RAB38: variants seen among roughly 807,000 people sequenced by gnomAD.
RAB38 encodes RAB38, member RAS oncogene family.
Under a neutral mutation model 18.4 loss-of-function variants are expected in RAB38, and 15 were observed. The ratio of observed to expected loss-of-function variants is 0.82; its 90% CI spans 0.55 to 1.26. The LOEUF (loss-of-function observed/expected upper bound fraction) is 1.26. RAB38 is among the 50% of genes most tolerant of loss of function. The probability of loss-of-function intolerance (pLI) is 0.00; values close to 1 mark genes in which losing one functional copy is unlikely to be tolerated. For synonymous variants in RAB38, 101 were observed against 104.4 expected, an observed-to-expected ratio of 0.97 and a Z score of 0.20; for missense variants, 294 against 267.4, an observed-to-expected ratio of 1.10 and a Z score of -0.69.
the RAB38 span, among the ~76,000 whole-genome samples, chr11:88,019,738 T>A: frequency 6.6e-6 from 1 of 152,314 alleles, no homozygotes; most frequent in African/African-American, 2.4e-5. Flanking sequence ...TCTACTAAGA[T>A]GATATTTAAC....
the RAB38 span, among the ~76,000 whole-genome samples, chr11:87,925,477 T>C: frequency 1.3e-5 from 2 of 152,064 alleles, no homozygotes; most frequent in African/African-American, 4.8e-5. Context: ...TACCATAAAC[T>C]AACAAGGACA....
chr11:88,069,796 T>G, the RAB38 span, among the ~76,000 whole-genome samples: 1 of 151,442 alleles, frequency 6.6e-6, no homozygotes, highest in Admixed American at 6.6e-5. Flanking sequence ...TAGCTCAAGG[T>G]TTGTAAACGC....
the RAB38 span, among the ~76,000 whole-genome samples, chr11:88,043,788 T>G: frequency 6.6e-6 from 1 of 152,190 alleles, no homozygotes; most frequent in Admixed American, 6.5e-5. Flanking sequence ...TCTCTTCACA[T>G]GGACACAAGT....
chr11:88,032,106 C>A, the RAB38 span, among the ~76,000 whole-genome samples: 4 of 151,470 alleles, frequency 2.6e-5, no homozygotes, highest in African/African-American at 9.7e-5. Context: ...CTTTGACAAA[C>A]CTGAGAAAAA....
the RAB38 span, among the ~76,000 whole-genome samples, chr11:87,890,592 C>CTGT: frequency 8.6e-5 from 13 of 151,106 alleles, no homozygotes; most frequent in South Asian, 1.0e-3. Context: ...TTTTTATCAA[C>CTGT]TGTTGTATTT....
the RAB38 span, among the ~76,000 whole-genome samples, chr11:87,813,522 C>G: frequency 4.6e-5 from 7 of 151,950 alleles, no homozygotes; most frequent in Non-Finnish European, 7.4e-5. Context: ...CACACACACA[C>G]ACACACACAC....
chr11:87,877,662 G>T, the RAB38 span, among the ~76,000 whole-genome samples: 1 of 151,258 alleles, frequency 6.6e-6, no homozygotes, highest in Non-Finnish European at 1.5e-5. Context: ...CCATAGTTAC[G>T]CCCACCTTAC....
At chr11:88,027,405 T>A in the RAB38 span, among the ~76,000 whole-genome samples, 30 of 152,126 alleles carry the variant, frequency 2.0e-4, no homozygotes, top group Admixed American at 2.0e-3. Context: ...TGTGCGAGCC[T>A]AAGCAGGGTG....
the RAB38 span, among the ~76,000 whole-genome samples, chr11:87,955,971 T>G: frequency 6.6e-6 from 1 of 152,004 alleles, no homozygotes; most frequent in Non-Finnish European, 1.5e-5. Context: ...AAAATGCAAT[T>G]TTATAAAACT....
the RAB38 span, among the ~76,000 whole-genome samples, chr11:87,938,351 A>G: frequency 8.5e-5 from 13 of 152,152 alleles, no homozygotes; most frequent in East Asian, 2.5e-3. Context: ...TATGGTATAC[A>G]CTGACACCAT....
At chr11:88,146,100 C>T (rs965169015) in intron 2 of RAB38, among the ~76,000 whole-genome samples, 1 of 152,138 alleles carries the variant, frequency 6.6e-6, no homozygotes, top group South Asian at 2.1e-4. Context: ...AATTCACTTG[C>T]CAGCCAGGGG....
chr11:88,156,043 C>T (rs1000158191), intron 1 of RAB38, among the ~76,000 whole-genome samples: 1 of 152,034 alleles, frequency 6.6e-6, no homozygotes, highest in Non-Finnish European at 1.5e-5. Context: ...AAATATCAAA[C>T]CTACAAATTA....
the RAB38 span, among the ~76,000 whole-genome samples, chr11:88,033,544 G>A: frequency 1.3e-5 from 2 of 151,930 alleles, no homozygotes; most frequent in Non-Finnish European, 2.9e-5. Flanking sequence ...GAGATCCTGT[G>A]TACCTTTTAC....
At chr11:88,037,256 TAA>T in the RAB38 span, among the ~76,000 whole-genome samples, 1 of 152,080 alleles carries the variant, frequency 6.6e-6, no homozygotes, top group Non-Finnish European at 1.5e-5. Context: ...AATAATCTCA[TAA>T]GTTTGTTCAT....
chr11:88,072,641 A>G, the RAB38 span, among the ~76,000 whole-genome samples: 1 of 152,212 alleles, frequency 6.6e-6, no homozygotes, highest in Non-Finnish European at 1.5e-5. Context: ...TGAATAAACT[A>G]TGGATAAAAA....
At chr11:88,028,548 C>G in the RAB38 span, among the ~76,000 whole-genome samples, 6 of 152,236 alleles carry the variant, frequency 3.9e-5, no homozygotes, top group East Asian at 1.2e-3. Context: ...GATAATGGAG[C>G]TGAAAGCCAA....
chr11:88,084,069 A>G, the RAB38 span, among the ~76,000 whole-genome samples: 2 of 151,964 alleles, frequency 1.3e-5, no homozygotes, highest in African/African-American at 4.8e-5. Context: ...AAATGAATAA[A>G]TAAATGAATA....
chr11:88,136,266 T>C (rs1394108527), intron 2 of RAB38, among the ~76,000 whole-genome samples: 2 of 152,078 alleles, frequency 1.3e-5, no homozygotes, highest in Non-Finnish European at 2.9e-5. Context: ...CAGCAGGCTT[T>C]CTCAAGAAAT....
the RAB38 span, among the ~76,000 whole-genome samples, chr11:87,961,493 G>C: frequency 8.5e-5 from 13 of 152,102 alleles, no homozygotes; most frequent in Non-Finnish European, 1.8e-4. Context: ...ACAACCCAGT[G>C]TGCTGACAGT....
Sources: allele counts gnomAD v4.1 joint callset (sites outside exome capture counted in the v4.1 genomes callset), GRCh38; gene constraint gnomAD v4.1.1; transcripts MANE v1.5; gene names NCBI Gene and HGNC (gene_info 2026-07-23, HGNC 2026-07-21).